Variants in DCHS2 observed in about 807,000 individuals in gnomAD.
The protein encoded by DCHS2 is protocadherin-23.
In DCHS2, 142 loss-of-function variants were observed where a neutral mutation model predicts 182.4. The ratio of observed to expected loss-of-function variants is 0.78; its 90% CI spans 0.68 to 0.89. DCHS2 has a LOEUF of 0.89. DCHS2 is among the 40% of genes least tolerant of loss of function. The pLI, the probability that DCHS2 is intolerant of heterozygous loss-of-function variation, is 0.00. For synonymous variants in DCHS2, 1,740 were observed against 1,663.3 expected (o/e 1.05, Z -1.12); for missense variants, 4,319 against 4,198.6 (o/e 1.03, Z -0.79).
chr4:154,325,691 C>T (rs1388823385), intron 7 of DCHS2, among the ~76,000 whole-genome samples: 1 of 152,162 alleles, frequency 6.6e-6, no homozygotes, highest in Non-Finnish European at 1.5e-5. Context: ...GCTGCAGGCT[C>T]ACTACCTCTG....
At chr4:154,293,925 G>C (rs1024265364) in intron 13 of DCHS2, among the ~76,000 whole-genome samples, 7 of 151,866 alleles carry the variant, frequency 4.6e-5, no homozygotes, top group African/African-American at 1.7e-4. Flanking sequence ...TCCACTGCCT[G>C]GCACAACTAT....
intron 1 of DCHS2, chr4:154,384,385 G>A (rs1193796380): frequency 6.2e-7 from 1 of 1,613,048 alleles, no homozygotes; most frequent in East Asian, 2.2e-5. Context: ...TCCTTCACTG[G>A]TTTTGCGTTC....
intron 1 of DCHS2, among the ~76,000 whole-genome samples, chr4:154,474,398 C>G (rs1318341941): frequency 6.6e-6 from 1 of 152,146 alleles, no homozygotes; most frequent in Non-Finnish European, 1.5e-5. Context: ...AAAATGCCCT[C>G]AGCTAAAGGG....
intron 1 of DCHS2, among the ~76,000 whole-genome samples, chr4:154,481,988 G>A (rs1241741606): frequency 6.6e-6 from 1 of 152,184 alleles, no homozygotes; most frequent in Non-Finnish European, 1.5e-5. Flanking sequence ...AGATCTGCAT[G>A]TTTATGGGAA....
At chr4:154,353,938 T>G (rs562464044) in intron 3 of DCHS2, among the ~76,000 whole-genome samples, 1 of 152,340 alleles carries the variant, frequency 6.6e-6, no homozygotes, top group South Asian at 2.1e-4. Flanking sequence ...TTGTAGTTTT[T>G]ATTTTTCAGA....
At chr4:154,288,737 C>T (rs1228982983) in intron 13 of DCHS2, among the ~76,000 whole-genome samples, 4 of 151,792 alleles carry the variant, frequency 2.6e-5, no homozygotes, top group African/African-American at 9.7e-5. Flanking sequence ...TCTCTGACTG[C>T]AAAGGAATAA....
In DCHS2 at chr4:154,320,965, T is replaced by C. The variant is rs773605773; in HGVS notation, c.4434A>G (p.Arg1478=). 1.2e-6 allele frequency: 2 copies of C among 1,614,070 alleles called. 1 individual carries two copies. Among genetic ancestry groups the C allele is most frequent in the South Asian group, 2.2e-5 (2 of 91,070 alleles). ...TTTTGCTATGGTCTGTAGTAATCAC[T>C]CTGAAAAGATAATGAGATGTCGTCT... The part of the protein sequence containing the change: ...DYETTSHYLF[R]VITTDHSKNL... The change falls in exon 9 of 20, where the codon AGA becomes AGG. Residue 1478 remains arginine, a synonymous_variant. Coordinates refer to ENST00000357232, the MANE Select transcript of DCHS2 (RefSeq NM_001358235.2).
chr4:154,482,840 A>T (rs1490671), intron 1 of DCHS2, among the ~76,000 whole-genome samples: 8 of 152,148 alleles, frequency 5.3e-5, no homozygotes, highest in South Asian at 2.1e-4. Context: ...TCATGGTGGC[A>T]GGCAAAAACA....
chr4:154,436,705 A>G (rs1040190586), intron 1 of DCHS2, among the ~76,000 whole-genome samples: 10 of 152,202 alleles, frequency 6.6e-5, no homozygotes, highest in Admixed American at 6.5e-4. Flanking sequence ...AAATTTGTAT[A>G]AATCAGAAAG....
intron 1 of DCHS2, among the ~76,000 whole-genome samples, chr4:154,473,480 T>C (rs1449228097): frequency 6.6e-6 from 1 of 151,442 alleles, no homozygotes; most frequent in Non-Finnish European, 1.5e-5. Flanking sequence ...CAGGGGAGAA[T>C]TCATTTGACA....
chr4:154,372,896 G>C (rs1285603649), intron 2 of DCHS2, among the ~76,000 whole-genome samples: 1 of 152,138 alleles, frequency 6.6e-6, no homozygotes, highest in South Asian at 2.1e-4. Flanking sequence ...CAGTAGCAAC[G>C]AACATCAATG....
chr4:154,482,829 C>G (rs967162945), intron 1 of DCHS2, among the ~76,000 whole-genome samples: 1 of 152,050 alleles, frequency 6.6e-6, no homozygotes, highest in African/African-American at 2.4e-5. Flanking sequence ...TACAGAAAGC[C>G]TCATGGTGGC....
intron 1 of DCHS2, among the ~76,000 whole-genome samples, chr4:154,378,256 C>T (rs1184407295): frequency 6.6e-6 from 1 of 151,970 alleles, no homozygotes. Flanking sequence ...TTTATACTAA[C>T]TGTGGGAGTA....
intron 16 of DCHS2, 55 bp from the exon 17 acceptor site, chr4:154,242,827 C>A: frequency 1.3e-6 from 2 of 1,543,210 alleles, no homozygotes; most frequent in Non-Finnish European, 1.7e-6. Flanking sequence ...ATTAGAAAAA[C>A]AACATAAATA....
intron 1 of DCHS2, among the ~76,000 whole-genome samples, chr4:154,405,396 A>G (rs1732356900): frequency 2.0e-5 from 3 of 151,112 alleles, no homozygotes; most frequent in Admixed American, 6.6e-5. Flanking sequence ...AGATATGGAC[A>G]CTGATTTTTT....
chr4:154,441,567 GT>G (rs36074539), intron 1 of DCHS2, among the ~76,000 whole-genome samples: 69,351 of 151,132 alleles, frequency 0.46, 16,363 homozygotes, highest in Middle Eastern at 0.68. Context: ...TTTCAGAAAA[GT>G]TTTTTCCTAT....
chr4:154,329,701 A>T lies in DCHS2; in HGVS notation c.3740T>A (p.Ile1247Asn). 1 of 1,611,898 alleles carries T rather than the reference A, an allele frequency of 6.2e-7. No individual in the cohort carries two copies. The change falls in exon 6 of 20, where the codon ATC becomes AAC. Residue 1247 changes from isoleucine (I) to asparagine (N), a missense_variant. Coordinates refer to ENST00000357232, the MANE Select transcript of DCHS2 (RefSeq NM_001358235.2). ...CTCACGATCCAGTGCCACCCAATTG[A>T]TTAACTCTCCTGCAGAGTACAGAGC... ...FKMNPNTGELINWVALDREHR... is the reference protein window; with the variant it reads ...FKMNPNTGELNNWVALDREHR...
chr4:154,294,101 G>A (rs944883881), intron 13 of DCHS2, among the ~76,000 whole-genome samples: 5 of 152,168 alleles, frequency 3.3e-5, no homozygotes, highest in Admixed American at 1.3e-4. Context: ...TATCCACAGG[G>A]TCTGGCTGCA....
In DCHS2 at chr4:154,235,894, C is replaced by T. The variant is rs1731460463; in HGVS notation, c.8758G>A (p.Gly2920Arg). The change falls in exon 20 of 20, where the codon GGA becomes AGA. Residue 2920 changes from glycine to arginine, a missense_variant. Physicochemically the swap from Gly to Arg is moderately radical, Grantham distance 125 (BLOSUM62 -2). Transcript: ENST00000357232. ...GIDGVILYSL[G>R]TSSPFFSVNK... ...ACTGAAAAGAAAGGAGATGAGGTTC[C>T]AAGGGAGTAAAGAATGACTCCATCA... 1 of 1,613,752 alleles carries T rather than the reference C, an allele frequency of 6.2e-7. No homozygotes were observed. The highest frequency in any genetic ancestry group is 8.5e-7 in the Non-Finnish European group (1 of 1,179,940).
Sources: allele counts gnomAD v4.1 joint callset (sites outside exome capture counted in the v4.1 genomes callset), GRCh38; gene constraint gnomAD v4.1.1; transcripts MANE v1.5; gene names NCBI Gene and HGNC (gene_info 2026-07-23, HGNC 2026-07-21).